SAXO1: variants seen among roughly 807,000 people sequenced by gnomAD.
The protein encoded by SAXO1 is stabilizer of axonemal microtubules 1, also known as 4930500O09Rik.
In SAXO1, 21 loss-of-function variants were observed where a neutral mutation model predicts 17.5. The ratio of observed to expected loss-of-function variants is 1.20; its 90% confidence interval spans 0.85 to 1.72. The LOEUF (loss-of-function observed/expected upper bound fraction) is 1.72. Ranked by LOEUF, SAXO1 falls within the 40% of genes most tolerant of loss-of-function variation. SAXO1 has a pLI of 0.00. For missense variants in SAXO1, 843 were observed against 596.0 expected, an observed-to-expected ratio of 1.41 and a Z score of -4.32; for synonymous variants, 274 against 216.5, an observed-to-expected ratio of 1.27 and a Z score of -2.33.
chr9:19,045,276 G>A (rs369065455), intron 1 of SAXO1, among the ~76,000 whole-genome samples: 41 of 130,308 alleles, frequency 3.1e-4, no homozygotes, highest in African/African-American at 1.2e-3. Context: ...CGCCACTGCA[G>A]TCCGCAGTCC....
intron 1 of SAXO1, among the ~76,000 whole-genome samples, chr9:19,000,843 G>A (rs1478134643): frequency 6.6e-6 from 1 of 152,110 alleles, no homozygotes; most frequent in Non-Finnish European, 1.5e-5. Flanking sequence ...GACAAAGAAG[G>A]CCATTACATA....
At chr9:18,977,865 C>A (rs1282461533) in intron 1 of SAXO1, among the ~76,000 whole-genome samples, 1 of 151,664 alleles carries the variant, frequency 6.6e-6, no homozygotes, top group East Asian at 1.9e-4. Context: ...CATGATGGAG[C>A]GTGCCTGTAA....
intron 2 of SAXO1, among the ~76,000 whole-genome samples, chr9:18,943,750 C>T: frequency 6.6e-6 from 1 of 152,182 alleles, no homozygotes; most frequent in Non-Finnish European, 1.5e-5. Flanking sequence ...CAAGGAGTAT[C>T]AGGAGGTACC....
intron 1 of SAXO1, among the ~76,000 whole-genome samples, chr9:18,967,610 G>A (rs183767217): frequency 1.2e-3 from 178 of 152,298 alleles, no homozygotes; most frequent in African/African-American, 4.1e-3. Context: ...AAGCTCGAGT[G>A]TCCCAGGTCA....
chr9:19,045,920 T>C (rs927844218), intron 1 of SAXO1, among the ~76,000 whole-genome samples: 8 of 152,024 alleles, frequency 5.3e-5, no homozygotes, highest in African/African-American at 1.9e-4. Context: ...AAACCCCGTA[T>C]CTACTAAAAA....
At chr9:18,955,958 G>A (rs1330594306) in intron 1 of SAXO1, among the ~76,000 whole-genome samples, 1 of 148,922 alleles carries the variant, frequency 6.7e-6, no homozygotes, top group Middle Eastern at 3.4e-3. Context: ...TTGTCTTTTA[G>A]AGACAGGGAC....
intron 1 of SAXO1, among the ~76,000 whole-genome samples, chr9:19,024,376 G>A (rs559519059): frequency 1.3e-5 from 2 of 152,028 alleles, no homozygotes; most frequent in African/African-American, 4.8e-5. Context: ...CTCACTCATA[G>A]GTGGGAACTG....
At chr9:18,980,074 G>T (rs1199643862) in intron 1 of SAXO1, among the ~76,000 whole-genome samples, 1 of 152,166 alleles carries the variant, frequency 6.6e-6, no homozygotes, top group Non-Finnish European at 1.5e-5. Context: ...GAAAGGAAAG[G>T]ACTTCAGATT....
chr9:19,030,149 G>A (rs187392858), intron 1 of SAXO1, among the ~76,000 whole-genome samples: 5 of 152,108 alleles, frequency 3.3e-5, no homozygotes, highest in Middle Eastern at 3.2e-3. Flanking sequence ...CAGGAGGAGG[G>A]AACATAGGTA....
chr9:19,026,783 C>A (rs1228478913), intron 1 of SAXO1: 2 of 469,242 alleles, frequency 4.3e-6, no homozygotes, highest in Admixed American at 3.1e-5. Context: ...GTAGTCTGAG[C>A]ACTTTGGGAG....
intron 1 of SAXO1, among the ~76,000 whole-genome samples, chr9:19,031,866 T>G (rs1835789945): frequency 1.3e-5 from 2 of 152,300 alleles, no homozygotes; most frequent in South Asian, 2.1e-4. Flanking sequence ...ATATAGAAGG[T>G]TGCTGATCCA....
At chr9:18,968,009 C>G (rs1248390530) in intron 1 of SAXO1, among the ~76,000 whole-genome samples, 3 of 152,182 alleles carry the variant, frequency 2.0e-5, no homozygotes, top group African/African-American at 7.2e-5. Context: ...GGGAGTTCCC[C>G]AACCCCTTAC....
At chr9:19,017,653 A>C (rs1289197334) in intron 1 of SAXO1, among the ~76,000 whole-genome samples, 1 of 152,252 alleles carries the variant, frequency 6.6e-6, no homozygotes, top group Non-Finnish European at 1.5e-5. Context: ...CTTTTGCTTA[A>C]ACAAACCAGT....
chr9:18,941,813 G>A lies in SAXO1; in HGVS notation c.245C>T (p.Ala82Val), dbSNP rs1831574378. ...GTCATACTGGTGGACCTTCACTGGT[G>A]CCACTTTGTGAGGCCCAAAATCTCT... is the stretch of plus-strand genomic sequence containing the variant. Reference protein sequence around the residue: ...SRRDFGPHKVAPVKVHQYDQF... With the variant: ...SRRDFGPHKVVPVKVHQYDQF... The change falls in exon 3 of 4, where the codon GCA becomes GTA. Residue 82 changes from alanine to valine, a missense_variant. Transcript: ENST00000380534. The A allele has an allele frequency of 1.2e-6, 2 of 1,614,020 alleles. No homozygotes were observed. Among genetic ancestry groups the A allele is most frequent in the East Asian group, 2.2e-5 (1 of 44,892 alleles).
chr9:18,947,933 C>G (rs569910855), intron 2 of SAXO1, among the ~76,000 whole-genome samples: 8 of 152,292 alleles, frequency 5.3e-5, no homozygotes, highest in Admixed American at 3.9e-4. Flanking sequence ...ATCACCAAAC[C>G]CAGCAAAGCC....
chr9:18,946,685 G>A (rs965564629), intron 2 of SAXO1, among the ~76,000 whole-genome samples: 2 of 151,854 alleles, frequency 1.3e-5, no homozygotes, highest in Admixed American at 6.6e-5. Context: ...ACTCCAAGCA[G>A]ACCAGACATT....
intron 3 of SAXO1, among the ~76,000 whole-genome samples, chr9:18,930,712 T>A (rs2131668337): frequency 6.6e-6 from 1 of 152,330 alleles, no homozygotes; most frequent in South Asian, 2.1e-4. Flanking sequence ...TTGGTCAGGC[T>A]GGTCTCGAAC....
rs1487781033 is a variant in SAXO1 at position 19,000,206 on chromosome 9, G to T, written c.38+32665C>A. Among the ~76,000 whole-genome samples the T allele has an allele frequency of 2.0e-5, 3 of 146,432 alleles. No homozygotes were observed. In the East Asian group the frequency reaches 6.3e-4, roughly 31 times the overall value. On this transcript the variant is annotated intron_variant, in intron 1 of 3. Coordinates refer to ENST00000380534, the MANE Select transcript of SAXO1 (RefSeq NM_153707.4). The stretch of plus-strand genomic sequence containing the variant: ...TGGGAAGTGAGGAGCGCCTCCACCC[G>T]GTCGCCCAAATGACTGGGAAGTGAG...
rs140091712 is a variant in SAXO1, at chr9:19,011,630, G to A, written c.38+21241C>T. Among the ~76,000 whole-genome samples the A allele has an allele frequency of 5.0e-3, 768 of 152,188 alleles. 9 individuals carry two copies. Among genetic ancestry groups the A allele is most frequent in the African/African-American group, 0.018 (731 of 41,506 alleles). ...ATTTGGATAGATGGGTAGATACACC[G>A]ACTCAGTATTAGTTTTACCTAATGG... On this transcript the variant is annotated intron_variant, in intron 1 of 3. Transcript: ENST00000380534.
Sources: gnomAD v4.1 joint callset for allele counts (sites outside exome capture counted in the v4.1 genomes callset) on GRCh38, gnomAD v4.1.1 for gene constraint, MANE v1.5 for transcripts, NCBI Gene and HGNC (gene_info 2026-07-23, HGNC 2026-07-21) for gene names.